The following PRICKLE2 variants were observed in gnomAD, a reference collection of about 807,000 sequenced individuals.
PRICKLE2 encodes prickle-like protein 2.
A neutral mutation model predicts 81.4 loss-of-function variants in PRICKLE2; 21 were observed. That is an observed-to-expected ratio of 0.26 (90% CI 0.18 to 0.37). The LOEUF (loss-of-function observed/expected upper bound fraction) is 0.37, where lower values mean the gene tolerates loss of function less well. PRICKLE2 is among the 10% of genes least tolerant of loss of function. The pLI is 1.00. For missense variants in PRICKLE2, 940 were observed against 1,109.0 expected, an observed-to-expected ratio of 0.85 and a Z score of 2.16; for synonymous variants, 456 against 421.5, an observed-to-expected ratio of 1.08 and a Z score of -1.00.
intron 4 of PRICKLE2, among the ~76,000 whole-genome samples, chr3:64,157,633 G>T (rs1486246985): frequency 6.6e-6 from 1 of 152,232 alleles, no homozygotes; most frequent in Non-Finnish European, 1.5e-5. Context: ...AGCTCTTTTA[G>T]CACAATAACG....
chr3:64,218,014 C>T (rs1385648775), intron 1 of PRICKLE2, among the ~76,000 whole-genome samples: 1 of 152,210 alleles, frequency 6.6e-6, no homozygotes, highest in Non-Finnish European at 1.5e-5. Flanking sequence ...ACAAGATATA[C>T]TCAGTTGGGC....
intron 7 of PRICKLE2, among the ~76,000 whole-genome samples, chr3:64,107,357 C>T (rs929856113): frequency 6.6e-6 from 1 of 152,066 alleles, no homozygotes; most frequent in Non-Finnish European, 1.5e-5. Context: ...TCTGATGGAA[C>T]GGAAAGAAAA....
chr3:64,101,135 A>T (rs992010391), intron 7 of PRICKLE2: 1 of 152,200 alleles, frequency 6.6e-6, no homozygotes, highest in Non-Finnish European at 1.5e-5. Flanking sequence ...TTTTTTGTGG[A>T]CTTATGAATT....
chr3:64,244,013 A>C (rs2079309168), intron 2 of PRICKLE2, among the ~76,000 whole-genome samples: 1 of 152,186 alleles, frequency 6.6e-6, no homozygotes, highest in East Asian at 1.9e-4. Flanking sequence ...GAATAGGAAA[A>C]GTTGCATCTT....
chr3:64,100,983 G>A (rs2076650185), intron 7 of PRICKLE2: 1 of 152,132 alleles, frequency 6.6e-6, no homozygotes, highest in Admixed American at 6.5e-5. Flanking sequence ...CTCCTACTGG[G>A]GCCTCCAACT....
upstream of PRICKLE2, among the ~76,000 whole-genome samples, chr3:64,229,954 T>G (rs2079078617): frequency 6.6e-6 from 1 of 152,154 alleles, no homozygotes; most frequent in African/African-American, 2.4e-5. Context: ...TCAGGCAAAG[T>G]TGGTTGGAGG....
chr3:64,174,841 C>A (rs1223232462), intron 2 of PRICKLE2: 1 of 213,376 alleles, frequency 4.7e-6, no homozygotes, highest in South Asian at 8.8e-5. Flanking sequence ...TGATTTGGGC[C>A]ACATGAACAT....
At chr3:64,200,330 G>A (rs1575657958) in intron 1 of PRICKLE2, 1 of 152,246 alleles carries the variant, frequency 6.6e-6, no homozygotes, top group Non-Finnish European at 1.5e-5. Context: ...TGAATAATAT[G>A]CCATTGTATA....
chr3:64,190,674 C>G (rs1471908333), intron 2 of PRICKLE2, among the ~76,000 whole-genome samples: 1 of 152,164 alleles, frequency 6.6e-6, no homozygotes, highest in Admixed American at 6.5e-5. Context: ...TGGGGAAAAT[C>G]AAGTGGAATG....
chr3:64,207,931 G>A (rs542063062), intron 1 of PRICKLE2, among the ~76,000 whole-genome samples: 1 of 151,574 alleles, frequency 6.6e-6, no homozygotes, highest in African/African-American at 2.4e-5. Flanking sequence ...AAAGGCTGAC[G>A]CAGGAGGAGC....
rs1295343170 is a variant in PRICKLE2, at chr3:64,098,578, A to G, written c.*473T>C. 5.7e-6 allele frequency: 1 copy of G among 174,278 alleles called. No individual in the cohort carries two copies. Among genetic ancestry groups the G allele is most frequent in the East Asian group, 1.5e-4 (1 of 6,674 alleles). 10.8% of individuals were successfully genotyped at this position (174,278 alleles called of 1,614,324 possible). A position where few individuals can be genotyped will look rare whatever the true frequency, so the allele number is the denominator to read the frequency against. On this transcript the variant is annotated 3_prime_UTR_variant, in exon 8 of 8. Transcript: ENST00000638394. ...CCCCACTGAGTCCTACGATATAGAA[A>G]TTCCTTTGATATTACAAAATACAAA...
chr3:64,122,233 C>T (rs1354906957), intron 7 of PRICKLE2, among the ~76,000 whole-genome samples: 3 of 152,062 alleles, frequency 2.0e-5, no homozygotes, highest in African/African-American at 7.2e-5. Context: ...AAACCTAAAC[C>T]CAAGATTTGT....
At chr3:64,252,812 A>G (rs2079467753) in intron 2 of PRICKLE2, among the ~76,000 whole-genome samples, 1 of 152,210 alleles carries the variant, frequency 6.6e-6, no homozygotes, top group African/African-American at 2.4e-5. Context: ...GTCAGGATCA[A>G]TATTTTAGGC....
intron 2 of PRICKLE2, among the ~76,000 whole-genome samples, chr3:64,197,593 T>C (rs2078480854): frequency 6.6e-6 from 1 of 152,078 alleles, no homozygotes; most frequent in Admixed American, 6.5e-5. Flanking sequence ...CTTAGCAAAC[T>C]AATGGAGAAA....
intron 1 of PRICKLE2, among the ~76,000 whole-genome samples, chr3:64,220,142 G>T (rs898244345): frequency 2.6e-5 from 4 of 152,134 alleles, no homozygotes; most frequent in African/African-American, 9.7e-5. Context: ...AAAATAGGCT[G>T]TTTCTTAGTT....
intron 2 of PRICKLE2, among the ~76,000 whole-genome samples, chr3:64,245,401 C>A (rs1018929366): frequency 6.6e-6 from 1 of 152,154 alleles, no homozygotes; most frequent in African/African-American, 2.4e-5. Flanking sequence ...GTGGCCCTCA[C>A]CTCTCAGTCT....
At chr3:64,209,113 C>A (rs1040603906) in intron 1 of PRICKLE2, among the ~76,000 whole-genome samples, 1 of 152,128 alleles carries the variant, frequency 6.6e-6, no homozygotes, top group Non-Finnish European at 1.5e-5. Flanking sequence ...ATCCACCCAT[C>A]TATTCATTCA....
At position 64,099,998 on chromosome 3, in the gene PRICKLE2, CATCT is replaced by C; in HGVS notation, c.1661-77_1661-74del. On this transcript the variant is annotated intron_variant, in intron 7 of 7. Coordinates refer to ENST00000638394, the MANE Select transcript of PRICKLE2 (RefSeq NM_198859.4). This position sits in a 1 kb window ranked among gnomAD's most constrained non-coding sequence, Gnocchi z 4.3. ...AATGGGTATCACTGTCACTGCTGGT[CATCT>C]ATCTAGGGTCATTATATACCGTTGT... 3.3e-6 allele frequency: 5 copies of C among 1,509,904 alleles called. No individual in the cohort carries two copies. The highest frequency in any genetic ancestry group is 4.6e-6 in the Non-Finnish European group (5 of 1,089,640). 93.5% of individuals were successfully genotyped at this position (1,509,904 alleles called of 1,614,324 possible).
At chr3:64,185,179 T>G (rs1316907338) in intron 2 of PRICKLE2, among the ~76,000 whole-genome samples, 1 of 152,162 alleles carries the variant, frequency 6.6e-6, no homozygotes, top group Non-Finnish European at 1.5e-5. Flanking sequence ...CACCAAACAC[T>G]GGATCCAGTG....
Sources: gnomAD v4.1 joint callset for allele counts (sites outside exome capture counted in the v4.1 genomes callset) on GRCh38, gnomAD v4.1.1 for gene constraint, Gnocchi (gnomAD v3.1) non-coding constraint, MANE v1.5 for transcripts, NCBI Gene and HGNC (gene_info 2026-07-23, HGNC 2026-07-21) for gene names.